PLXDC2: variants seen among roughly 807,000 people sequenced by gnomAD.
PLXDC2 encodes plexin domain containing 2.
In PLXDC2, 40 loss-of-function variants were observed where a neutral mutation model predicts 68.9. The observed-to-expected ratio is 0.58, with a 90% CI of 0.45 to 0.76. The LOEUF (loss-of-function observed/expected upper bound fraction) is 0.76. Ranked by LOEUF, PLXDC2 falls within the 30% of genes least tolerant of loss-of-function variation. The pLI is 0.00. For synonymous variants in PLXDC2, 243 were observed against 234.2 expected (o/e 1.04, Z -0.34); for missense variants, 644 against 661.9 (o/e 0.97, Z 0.30).
chr10:20,271,075 C>A (rs565822876), intron 13 of PLXDC2, among the ~76,000 whole-genome samples: 1 of 150,810 alleles, frequency 6.6e-6, no homozygotes, highest in African/African-American at 2.4e-5. Context: ...AACCTTAGGA[C>A]GTGTTGACAG....
intron 1 of PLXDC2, among the ~76,000 whole-genome samples, chr10:19,988,796 TTTTTTTTTTTTTTTTTTG>T (rs1834694601): frequency 8.2e-6 from 1 of 122,434 alleles, no homozygotes; most frequent in Admixed American, 8.5e-5. Context: ...TTTTTTTTTT[TTTTTTTTTTTTTTTTTTG>T]AGATGGAGTC....
intron 3 of PLXDC2, among the ~76,000 whole-genome samples, chr10:20,065,148 G>A (rs1462767238): frequency 6.6e-6 from 1 of 152,170 alleles, no homozygotes; most frequent in Non-Finnish European, 1.5e-5. Context: ...TAAAGAATAT[G>A]GAAGCCATGA....
chr10:19,844,050 A>G (rs750149618), intron 1 of PLXDC2, among the ~76,000 whole-genome samples: 3 of 152,228 alleles, frequency 2.0e-5, no homozygotes, highest in Non-Finnish European at 2.9e-5. Context: ...GCAAATACGT[A>G]AAATATTATG....
intron 2 of PLXDC2, among the ~76,000 whole-genome samples, chr10:20,027,952 C>T (rs963771863): frequency 2.0e-5 from 3 of 152,198 alleles, no homozygotes; most frequent in South Asian, 2.1e-4. Context: ...TGTTTCCCTA[C>T]ACTTTTCTGG....
At chr10:20,087,666 C>T (rs763736145) in intron 4 of PLXDC2, among the ~76,000 whole-genome samples, 1 of 152,156 alleles carries the variant, frequency 6.6e-6, no homozygotes, top group East Asian at 1.9e-4. Context: ...TGATGAAGAG[C>T]CACTTGCTAG....
chr10:20,126,325 A>G (rs1459657742), intron 4 of PLXDC2, among the ~76,000 whole-genome samples: 1 of 147,154 alleles, frequency 6.8e-6, no homozygotes, highest in African/African-American at 2.5e-5. Flanking sequence ...TATAATATAT[A>G]CATATACGTT....
intron 4 of PLXDC2, among the ~76,000 whole-genome samples, chr10:20,127,119 G>C (rs191324226): frequency 3.6e-4 from 55 of 152,082 alleles, no homozygotes; most frequent in African/African-American, 1.3e-3. Context: ...ATAGACTCTC[G>C]ATTTGGGAAT....
At chr10:20,100,136 ATCTT>A (rs1833403499) in intron 4 of PLXDC2, among the ~76,000 whole-genome samples, 1 of 152,156 alleles carries the variant, frequency 6.6e-6, no homozygotes. Flanking sequence ...CTTTAAAAGA[ATCTT>A]AGTCTAGCAA....
At chr10:20,211,827 C>G (rs1835074051) in intron 10 of PLXDC2, 98 bp downstream of exon 10, 2 of 1,135,348 alleles carry the variant, frequency 1.8e-6, no homozygotes, top group Admixed American at 4.6e-5. Flanking sequence ...TGCCCTAAAA[C>G]TTAATGAAAG....
chr10:20,277,321 T>C (rs1010986472), intron 13 of PLXDC2, among the ~76,000 whole-genome samples: 1 of 151,766 alleles, frequency 6.6e-6, no homozygotes, highest in African/African-American at 2.4e-5. Flanking sequence ...CCGATTTATA[T>C]AGATTTCCCT....
intron 1 of PLXDC2, among the ~76,000 whole-genome samples, chr10:19,942,450 G>T (rs192812546): frequency 1.2e-4 from 19 of 152,194 alleles, no homozygotes; most frequent in Admixed American, 2.6e-4. Flanking sequence ...TATCTTACAT[G>T]ACTCAAAACA....
At chr10:19,998,344 T>C (rs1349001102) in intron 1 of PLXDC2, among the ~76,000 whole-genome samples, 1 of 152,250 alleles carries the variant, frequency 6.6e-6, no homozygotes, top group Non-Finnish European at 1.5e-5. Context: ...GTAAAACATA[T>C]ATTTTGACTT....
intron 12 of PLXDC2, among the ~76,000 whole-genome samples, chr10:20,238,615 C>G (rs1368467257): frequency 6.9e-6 from 1 of 145,302 alleles, no homozygotes; most frequent in Non-Finnish European, 1.5e-5. Flanking sequence ...CCACTGCACT[C>G]TAGCTTGGGT....
intron 1 of PLXDC2, among the ~76,000 whole-genome samples, chr10:19,968,131 C>CA (rs758954143): frequency 7.9e-5 from 12 of 152,142 alleles, no homozygotes; most frequent in Non-Finnish European, 1.6e-4. Context: ...AACAGGTCTC[C>CA]ACTCAGCGTT....
chr10:19,845,663 C>G (rs756922704), intron 1 of PLXDC2, among the ~76,000 whole-genome samples: 1 of 152,166 alleles, frequency 6.6e-6, no homozygotes, highest in Non-Finnish European at 1.5e-5. Context: ...TGTTGCAGCT[C>G]CTTGACTGCT....
At chr10:20,208,658 A>T (rs1484401779) in intron 9 of PLXDC2, among the ~76,000 whole-genome samples, 1 of 152,190 alleles carries the variant, frequency 6.6e-6, no homozygotes, top group Admixed American at 6.5e-5. Context: ...TATGATCAAT[A>T]TAAGACCCTA....
intron 2 of PLXDC2, among the ~76,000 whole-genome samples, chr10:20,043,814 A>G (rs1352039100): frequency 6.6e-6 from 1 of 152,132 alleles, no homozygotes; most frequent in Non-Finnish European, 1.5e-5. Context: ...ATTATTTTAC[A>G]TAATTTAATT....
intron 9 of PLXDC2, among the ~76,000 whole-genome samples, chr10:20,197,888 C>T (rs924595965): frequency 6.6e-6 from 1 of 152,052 alleles, no homozygotes; most frequent in African/African-American, 2.4e-5. Context: ...GTTAGTGGCC[C>T]AAGTCGTAGT....
chr10:19,953,556 T>G (rs1400285559), intron 1 of PLXDC2, among the ~76,000 whole-genome samples: 1 of 152,174 alleles, frequency 6.6e-6, no homozygotes. Flanking sequence ...CTGTTTTCAG[T>G]TTGATCAAAA....
Sources: allele counts gnomAD v4.1 joint callset (sites outside exome capture counted in the v4.1 genomes callset), GRCh38; gene constraint gnomAD v4.1.1; transcripts MANE v1.5; gene names NCBI Gene and HGNC (gene_info 2026-07-23, HGNC 2026-07-21).